Variants in CSMD3 observed in about 807,000 individuals in gnomAD.
CSMD3 encodes the protein CUB and Sushi multiple domains 3.
A neutral mutation model predicts 435.2 loss-of-function variants in CSMD3; 177 were observed. The ratio of observed to expected loss-of-function variants is 0.41; its 90% confidence interval spans 0.36 to 0.46. The LOEUF is 0.46. CSMD3 is among the 20% of genes least tolerant of loss of function. CSMD3 has a pLI of 0.34. For missense variants in CSMD3, 4,265 were observed against 4,504.6 expected (o/e 0.95, Z 1.52); for synonymous variants, 1,656 against 1,520.5 (o/e 1.09, Z -2.07).
At chr8:112,395,494 T>G (rs1293152861) in intron 35 of CSMD3, among the ~76,000 whole-genome samples, 5 of 152,128 alleles carry the variant, frequency 3.3e-5, no homozygotes, top group Admixed American at 3.3e-4. Context: ...TAAGAAAAGA[T>G]GAAGTAGACA....
intron 3 of CSMD3, among the ~76,000 whole-genome samples, chr8:113,197,248 T>C (rs926528775): frequency 6.6e-6 from 1 of 151,214 alleles, no homozygotes; most frequent in African/African-American, 2.4e-5. Flanking sequence ...CAAAACTTTG[T>C]TTCATGTACA....
intron 10 of CSMD3, among the ~76,000 whole-genome samples, chr8:112,919,737 G>A (rs2082679064): frequency 6.6e-6 from 1 of 151,684 alleles, no homozygotes; most frequent in Non-Finnish European, 1.5e-5. Context: ...TCAGCCTTGT[G>A]TAATCAGTAA....
At chr8:113,145,915 T>C (rs2091663241) in intron 4 of CSMD3, among the ~76,000 whole-genome samples, 1 of 151,548 alleles carries the variant, frequency 6.6e-6, no homozygotes, top group South Asian at 2.1e-4. Context: ...GTTTATAATA[T>C]ATTGTATTTC....
chr8:112,987,995 A>G (rs2085316767), intron 6 of CSMD3, among the ~76,000 whole-genome samples: 1 of 152,038 alleles, frequency 6.6e-6, no homozygotes, highest in African/African-American at 2.4e-5. Flanking sequence ...TCTAAGGAAA[A>G]TAGAAGGGTC....
At chr8:113,380,702 A>G (rs572794754) in intron 1 of CSMD3, among the ~76,000 whole-genome samples, 1 of 152,282 alleles carries the variant, frequency 6.6e-6, no homozygotes, top group South Asian at 2.1e-4. Context: ...TCTGTTTCTC[A>G]AGCAAATAGA....
At chr8:113,029,814 T>A (rs2087016465) in intron 5 of CSMD3, among the ~76,000 whole-genome samples, 1 of 151,414 alleles carries the variant, frequency 6.6e-6, no homozygotes, top group South Asian at 2.1e-4. Context: ...GGCATCCAAA[T>A]CAGTAAAAAG....
At chr8:112,685,344 A>G in intron 15 of CSMD3, 62 bp downstream of exon 15, 1 of 1,375,962 alleles carries the variant, frequency 7.3e-7, no homozygotes, top group African/African-American at 1.4e-5. Context: ...ATACATGATC[A>G]CTTTTCAACT....
intron 6 of CSMD3, chr8:113,018,850 A>G: frequency 3.6e-6 from 2 of 547,976 alleles, no homozygotes; most frequent in Non-Finnish European, 6.5e-6. Flanking sequence ...AGAAATCATA[A>G]TATTCATTAT....
chr8:112,440,355 C>T (rs1044516486), intron 32 of CSMD3, among the ~76,000 whole-genome samples: 4 of 152,204 alleles, frequency 2.6e-5, no homozygotes, highest in Admixed American at 1.3e-4. Flanking sequence ...CTGGGCAGCT[C>T]TGCCTCTGTA....
At chr8:113,345,115 T>C (rs990544222) in intron 1 of CSMD3, among the ~76,000 whole-genome samples, 1 of 152,092 alleles carries the variant, frequency 6.6e-6, no homozygotes, top group East Asian at 1.9e-4. Context: ...ACAGAAAGCA[T>C]AATACTTACC....
chr8:112,924,506 TA>T (rs1459555835), intron 9 of CSMD3, among the ~76,000 whole-genome samples: 7 of 152,122 alleles, frequency 4.6e-5, no homozygotes, highest in Non-Finnish European at 1.5e-5. Context: ...CTCTTCTTGC[TA>T]AAAGTAATAA....
intron 1 of CSMD3, among the ~76,000 whole-genome samples, chr8:113,400,484 A>G (rs2094505002): frequency 6.6e-6 from 1 of 151,982 alleles, no homozygotes; most frequent in Non-Finnish European, 1.5e-5. Context: ...CTGCTATGAT[A>G]CTTTTAATAT....
At chr8:113,308,283 T>TTG in intron 2 of CSMD3, among the ~76,000 whole-genome samples, 1 of 138,328 alleles carries the variant, frequency 7.2e-6, no homozygotes, top group Admixed American at 7.4e-5. Flanking sequence ...TTTTTTTTTT[T>TTG]TTTGAGATGG....
chr8:112,553,959 C>G (rs541082537), intron 25 of CSMD3, among the ~76,000 whole-genome samples: 140 of 152,090 alleles, frequency 9.2e-4, no homozygotes, highest in Middle Eastern at 6.8e-3. Flanking sequence ...AACATCTACA[C>G]TCAGTTGACT....
Position 113,031,994 on chromosome 8 carries a change from C to T in CSMD3, c.918-12815G>A, listed in dbSNP as rs1297813802. On this transcript the variant is annotated intron_variant, in intron 5 of 70. Coordinates refer to ENST00000297405, the MANE Select transcript of CSMD3 (RefSeq NM_198123.2). ...TCTCTCCTGCTGCCCTGTAAGAAAG[C>T]GTTTTCTTCTCTTTCGCCTTCTGCC... Among the ~76,000 whole-genome samples, 8 of 151,544 alleles carry T rather than the reference C, an allele frequency of 5.3e-5. 1 individual carries two copies. Among genetic ancestry groups the T allele is most frequent in the South Asian group, 2.1e-4 (1 of 4,792 alleles).
chr8:113,331,905 C>T (rs1347865381), intron 1 of CSMD3, among the ~76,000 whole-genome samples: 1 of 151,498 alleles, frequency 6.6e-6, no homozygotes, highest in African/African-American at 2.4e-5. Context: ...TTGTATTTAA[C>T]CTTATACTTG....
intron 5 of CSMD3, among the ~76,000 whole-genome samples, chr8:113,094,799 C>T (rs1013177550): frequency 2.6e-5 from 4 of 152,038 alleles, no homozygotes; most frequent in Non-Finnish European, 4.4e-5. Context: ...GGGCCAGGTG[C>T]GGTAGCTCAT....
chr8:113,152,259 A>G (rs145750350), intron 4 of CSMD3, among the ~76,000 whole-genome samples: 60 of 152,200 alleles, frequency 3.9e-4, no homozygotes, highest in African/African-American at 1.4e-3. Context: ...AAGAAACAGC[A>G]AGAGATCTAT....
At chr8:112,936,548 T>C (rs1564124072) in intron 9 of CSMD3, among the ~76,000 whole-genome samples, 1 of 152,078 alleles carries the variant, frequency 6.6e-6, no homozygotes, top group African/African-American at 2.4e-5. Context: ...TTTCTTTATC[T>C]TTAATCGTGA....
Sources: allele counts gnomAD v4.1 joint callset (sites outside exome capture counted in the v4.1 genomes callset), GRCh38; gene constraint gnomAD v4.1.1; transcripts MANE v1.5; gene names NCBI Gene and HGNC (gene_info 2026-07-23, HGNC 2026-07-21).